The following STK3 variants were observed in gnomAD, a reference collection of about 807,000 sequenced individuals.
The protein encoded by STK3 is serine/threonine-protein kinase 3.
Under a neutral mutation model 58.0 loss-of-function variants are expected in STK3, and 41 were observed. The observed-to-expected ratio is 0.71, with a 90% confidence interval of 0.55 to 0.92. STK3 has a LOEUF of 0.92. Among genes scored for constraint, STK3 ranks in the 40% least tolerant of loss-of-function variants. The pLI is 0.00. For synonymous variants in STK3, 170 were observed against 191.0 expected, an observed-to-expected ratio of 0.89 and a Z score of 0.91; for missense variants, 479 against 602.7, an observed-to-expected ratio of 0.79 and a Z score of 2.15.
At chr8:98,573,309 G>A (rs928291147) in intron 8 of STK3, among the ~76,000 whole-genome samples, 3 of 152,190 alleles carry the variant, frequency 2.0e-5, no homozygotes, top group Non-Finnish European at 4.4e-5. Flanking sequence ...TTGATTCACA[G>A]TTCCACATGG....
chr8:98,672,674 A>C (rs1417287870), intron 6 of STK3, among the ~76,000 whole-genome samples: 1 of 152,222 alleles, frequency 6.6e-6, no homozygotes, highest in African/African-American at 2.4e-5. Flanking sequence ...TGCCTCAGTA[A>C]ATCAAAAGAA....
At chr8:98,675,817 T>G (rs1279823372) in intron 6 of STK3, among the ~76,000 whole-genome samples, 1 of 151,692 alleles carries the variant, frequency 6.6e-6, no homozygotes, top group African/African-American at 2.4e-5. Flanking sequence ...TGAGCCGATA[T>G]TGCACCACTG....
chr8:98,494,630 A>G, intron 10 of STK3, among the ~76,000 whole-genome samples: 1 of 124,826 alleles, frequency 8.0e-6, no homozygotes. Flanking sequence ...ACACTAGTCT[A>G]GGTGACAGAG....
At chr8:98,469,931 T>G (rs1184443300) in intron 10 of STK3, among the ~76,000 whole-genome samples, 3 of 152,176 alleles carry the variant, frequency 2.0e-5, no homozygotes, top group African/African-American at 7.2e-5. Context: ...AAGGAAGAGC[T>G]TATCCACTGG....
chr8:98,920,375 G>A (rs1424634666), intron 1 of STK3, among the ~76,000 whole-genome samples: 9 of 152,176 alleles, frequency 5.9e-5, no homozygotes, highest in Admixed American at 5.9e-4. Context: ...GCAGTAATGA[G>A]ACATAAACAG....
chr8:98,391,563 G>C (rs958779027), upstream of STK3: 4 of 152,204 alleles, frequency 2.6e-5, no homozygotes, highest in Admixed American at 1.3e-4. Flanking sequence ...ACTCTGCTGT[G>C]CACCTCCCAC....
downstream of STK3, among the ~76,000 whole-genome samples, chr8:98,366,643 G>A (rs938268603): frequency 6.6e-6 from 1 of 152,166 alleles, no homozygotes; most frequent in Admixed American, 6.5e-5. Flanking sequence ...CATAAACTAA[G>A]CTCCATTTTA....
chr8:98,482,243 C>G (rs1821910405), intron 10 of STK3, among the ~76,000 whole-genome samples: 1 of 152,172 alleles, frequency 6.6e-6, no homozygotes, highest in South Asian at 2.1e-4. Context: ...AGCATTATTT[C>G]TCCCTGAATA....
At position 98,579,784 on chromosome 8, in the gene STK3, AG is replaced by A; in HGVS notation, c.827del (p.Pro276LeufsTer12). On this transcript the variant is annotated frameshift_variant, in exon 8 of 11. Coordinates refer to ENST00000419617, the MANE Select transcript of STK3 (RefSeq NM_006281.4). LOFTEE classifies it high-confidence loss of function. ...RATATQLLQH[P>X]FIKNAKPVSI... is the part of the protein sequence containing the mutation. ...ATACAGGTTTGGCATTCTTGATAAAAGGATGCTAAAAAAGTAAAATTCAATG... is the reference window on the plus strand; with the variant it reads ...ATACAGGTTTGGCATTCTTGATAAAAGATGCTAAAAAAGTAAAATTCAATG... 1.9e-6 allele frequency: 3 copies of A among 1,568,914 alleles called. No individual in the cohort carries two copies. The South Asian group carries it at 3.7e-5, about 19-fold the overall frequency.
chr8:98,792,953 ATG>A (rs897633589), intron 1 of STK3, among the ~76,000 whole-genome samples: 6 of 150,336 alleles, frequency 4.0e-5, no homozygotes, highest in South Asian at 2.1e-4. Context: ...ATATATGTGT[ATG>A]TGTGTGTGTA....
intron 1 of STK3, among the ~76,000 whole-genome samples, chr8:98,783,730 C>T (rs1832270444): frequency 6.6e-6 from 1 of 152,246 alleles, no homozygotes; most frequent in Non-Finnish European, 1.5e-5. Flanking sequence ...CTCTCAAACC[C>T]TGCCACTGCT....
chr8:98,571,473 C>T (rs1419851333), intron 8 of STK3, among the ~76,000 whole-genome samples: 1 of 152,128 alleles, frequency 6.6e-6, no homozygotes, highest in Non-Finnish European at 1.5e-5. Context: ...ATTCAAAGCA[C>T]CCTGGCATTT....
At position 98,921,460 on chromosome 8, in the gene STK3, A is replaced by T. The variant is rs189513327; in HGVS notation, c.-79+20918T>A. On this transcript the variant is annotated intron_variant, in intron 1 of 1. Coordinates refer to the STK3 transcript ENST00000519420. ...AGGCACATGGAGTGCTGAGGGAGGA[A>T]GGGGACACCTGCCTAGCCAGCCAGA... The T allele has an allele frequency of 1.4e-3, 211 of 153,134 alleles. 2 individuals are homozygous for T. The highest frequency in any genetic ancestry group is 3.4e-3 in the Middle Eastern group (1 of 294). The allele number at this position is 153,134 out of a possible 1,614,324, so 9.5% of individuals were successfully genotyped here.
At chr8:98,486,510 C>T (rs572943173) in intron 10 of STK3, among the ~76,000 whole-genome samples, 1 of 152,312 alleles carries the variant, frequency 6.6e-6, no homozygotes, top group East Asian at 1.9e-4. Flanking sequence ...AGGCTACTCA[C>T]AACTTTTAAT....
At chr8:98,822,656 AAAAGT>A (rs1352701630) in intron 1 of STK3, among the ~76,000 whole-genome samples, 2 of 152,244 alleles carry the variant, frequency 1.3e-5, no homozygotes, top group Non-Finnish European at 2.9e-5. Flanking sequence ...TCTTCAGGCA[AAAAGT>A]AACACAAACT....
intron 1 of STK3, among the ~76,000 whole-genome samples, chr8:98,917,068 C>T (rs757403914): frequency 6.6e-6 from 1 of 152,132 alleles, no homozygotes; most frequent in Non-Finnish European, 1.5e-5. Context: ...AAAGACAGCC[C>T]ATGTTCTTGG....
At chr8:98,657,252 C>T (rs1821620488) in intron 6 of STK3, among the ~76,000 whole-genome samples, 1 of 152,038 alleles carries the variant, frequency 6.6e-6, no homozygotes, top group Admixed American at 6.6e-5. Flanking sequence ...ACTGGACACA[C>T]ATCAAATCAT....
chr8:98,520,312 A>G (rs1186145740), intron 10 of STK3, among the ~76,000 whole-genome samples: 1 of 152,164 alleles, frequency 6.6e-6, no homozygotes, highest in African/African-American at 2.4e-5. Flanking sequence ...GTGACATCAT[A>G]AATTCTTTTA....
At chr8:98,932,377 G>T (rs565678297) in intron 1 of STK3, among the ~76,000 whole-genome samples, 106 of 152,304 alleles carry the variant, frequency 7.0e-4, no homozygotes, top group South Asian at 3.7e-3. Flanking sequence ...CTAGTCATTG[G>T]AGGAGGTCTT....
Sources: gnomAD v4.1 joint callset for allele counts (sites outside exome capture counted in the v4.1 genomes callset) on GRCh38, gnomAD v4.1.1 for gene constraint, MANE v1.5 for transcripts, NCBI Gene and HGNC (gene_info 2026-07-23, HGNC 2026-07-21) for gene names.